The following RIC1 variants were observed in gnomAD, a reference collection of about 807,000 sequenced individuals.
RIC1 encodes RIC1 partner of RAB6A GEF complex, also known as guanine nucleotide exchange factor subunit RIC1.
In RIC1, 88 loss-of-function variants were observed where a neutral mutation model predicts 169.0. The ratio of observed to expected loss-of-function variants is 0.52; its 90% CI spans 0.44 to 0.62. The LOEUF (loss-of-function observed/expected upper bound fraction) is 0.62, where lower values mean the gene tolerates loss of function less well. Among genes scored for constraint, RIC1 ranks in the 20% least tolerant of loss-of-function variants. RIC1 has a pLI of 0.00. For missense variants in RIC1, 1,877 were observed against 1,725.5 expected (o/e 1.09, Z -1.56); for synonymous variants, 790 against 601.5 (o/e 1.31, Z -4.59).
chr9:5,669,266 C>CT (rs1240708596), intron 2 of RIC1, among the ~76,000 whole-genome samples: 3 of 152,142 alleles, frequency 2.0e-5, no homozygotes, highest in Admixed American at 2.0e-4. Context: ...AATTTGTAGT[C>CT]TTTTATCCCT....
chr9:5,668,188 A>C (rs1819892035), intron 2 of RIC1, among the ~76,000 whole-genome samples: 1 of 152,144 alleles, frequency 6.6e-6, no homozygotes, highest in South Asian at 2.1e-4. Flanking sequence ...GAACACCGTG[A>C]GGGTACCACC....
At chr9:5,755,074 G>A in intron 15 of RIC1, 144 bp downstream of exon 15, 1 of 463,246 alleles carries the variant, frequency 2.2e-6, no homozygotes, top group Non-Finnish European at 3.6e-6. Context: ...TTAGGTAGTG[G>A]GATTTTCTTT....
chr9:5,658,727 A>C (rs1819259056), intron 2 of RIC1, among the ~76,000 whole-genome samples: 1 of 152,106 alleles, frequency 6.6e-6, no homozygotes, highest in African/African-American at 2.4e-5. Flanking sequence ...TGGTTAGTGT[A>C]AGTTTTTTCA....
rs769781651 is a variant in RIC1 at position 5,754,822 on chromosome 9, A to G, written c.1603-19A>G. 2 of 1,497,476 alleles carry G rather than the reference A, an allele frequency of 1.3e-6. No individual in the cohort carries two copies. The highest frequency in any genetic ancestry group is 1.8e-6 in the Non-Finnish European group (2 of 1,103,016). The allele number at this position is 1,497,476 out of a possible 1,614,324, so 92.8% of individuals were successfully genotyped here. A position where few individuals can be genotyped will look rare whatever the true frequency, so the allele number is the denominator to read the frequency against. ...TCTGGTAGCATAAGGTAAATTTTTT[A>G]AAAAATTTTTATTTTAAGGAGCAAA... On this transcript the variant is annotated intron_variant, in intron 14 of 25. Transcript: ENST00000414202.
At chr9:5,702,266 C>T (rs927058498) in intron 3 of RIC1, among the ~76,000 whole-genome samples, 4 of 152,160 alleles carry the variant, frequency 2.6e-5, no homozygotes, top group African/African-American at 7.2e-5. Context: ...AGCATCTGAG[C>T]TGAGTCATGA....
In RIC1 at chr9:5,753,195, T is replaced by C. The variant is rs762440695; in HGVS notation, c.1453-5T>C. On this transcript the variant is annotated splice_region_variant and splice_polypyrimidine_tract_variant and intron_variant, in intron 12 of 25. Coordinates refer to ENST00000414202, the MANE Select transcript of RIC1 (RefSeq NM_020829.4). The stretch of plus-strand genomic sequence containing the variant: ...TTTACCAATCTGATGTGTTATTTTC[T>C]ATAGATTTCCAGCACCTATCTAGAG... 1.2e-6 allele frequency: 2 copies of C among 1,610,892 alleles called. No individual in the cohort carries two copies. The highest frequency in any genetic ancestry group is 1.7e-6 in the Non-Finnish European group (2 of 1,177,068).
chr9:5,645,298 G>A (rs1576985), intron 1 of RIC1, among the ~76,000 whole-genome samples: 4 of 151,894 alleles, frequency 2.6e-5, no homozygotes, highest in Non-Finnish European at 2.9e-5. Context: ...GCTATCCTCC[G>A]AAAGTGTTGG....
At chr9:5,674,757 T>C (rs1044957576) in intron 2 of RIC1, among the ~76,000 whole-genome samples, 1 of 152,118 alleles carries the variant, frequency 6.6e-6, no homozygotes, top group Non-Finnish European at 1.5e-5. Flanking sequence ...CCTCCTTCTC[T>C]CCCCTCCAGC....
chr9:5,716,746 A>C (rs1287672335), intron 4 of RIC1, among the ~76,000 whole-genome samples: 2 of 152,254 alleles, frequency 1.3e-5, no homozygotes, highest in Admixed American at 1.3e-4. Context: ...GAGGGGAGTC[A>C]GTTGTAGCAA....
chr9:5,715,110 G>A (rs182976029), intron 4 of RIC1, among the ~76,000 whole-genome samples: 1 of 152,292 alleles, frequency 6.6e-6, no homozygotes, highest in East Asian at 1.9e-4. Flanking sequence ...AATGTAATCA[G>A]TGTTACAGAA....
In RIC1 at chr9:5,752,514, C is replaced by T. The variant is rs936574971; in HGVS notation, c.1453-686C>T. Among the ~76,000 whole-genome samples the T allele has an allele frequency of 1.1e-4, 16 of 151,120 alleles. 1 individual carries two copies. Among genetic ancestry groups the T allele is most frequent in the African/African-American group, 3.6e-4 (15 of 41,140 alleles). On this transcript the variant is annotated intron_variant, in intron 12 of 25. Coordinates refer to ENST00000414202, the MANE Select transcript of RIC1 (RefSeq NM_020829.4). ...GGAGTGCAGTGGCGCGATCCTGGCT[C>T]ACTGCAACCTCTGCCTCCCGGGTTC...
At chr9:5,720,383 G>A in intron 5 of RIC1, 59 bp downstream of exon 5, 2 of 1,508,988 alleles carry the variant, frequency 1.3e-6, no homozygotes, top group South Asian at 2.4e-5. Context: ...GTCTAGTTAG[G>A]TATCTTCTAT....
At position 5,765,758 on chromosome 9, in the gene RIC1, C is replaced by T. The variant is rs753368466; in HGVS notation, c.3097C>T (p.Gln1033Ter). The change falls in exon 21 of 26, where the codon CAG (glutamine) becomes TAG (stop). Residue 1033 changes from glutamine to a stop codon, truncating the protein, a stop_gained. Transcript: ENST00000414202. LOFTEE classifies it high-confidence loss of function. The part of the protein sequence containing the change: ...ENVPASKFSL[Q>*]KTLSMPSGPS... ...TGTTCCTGCCAGTAAATTCAGTTTA[C>T]AGAAAACACTAAGTATGCCATCTGG... The T allele has an allele frequency of 6.2e-7, 1 of 1,614,116 alleles. No homozygotes were observed.
Position 5,629,344 on chromosome 9 carries a change from T to C in RIC1, c.35T>C (p.Leu12Pro), listed in dbSNP as rs1292743997. 1 of 1,532,814 alleles carries C rather than the reference T, an allele frequency of 6.5e-7. No homozygotes were observed. 95.0% of individuals were successfully genotyped at this position (1,532,814 alleles called of 1,614,324 possible). The change falls in exon 1 of 26, where the codon CTG becomes CCG. Residue 12 changes from leucine (L) to proline (P), a missense_variant. Around this residue, in one of 3 missense-constraint regions of RIC1, gnomAD observed 1,104 missense variants for 992.0 expected, o/e 1.11. Coordinates refer to ENST00000414202, the MANE Select transcript of RIC1 (RefSeq NM_020829.4). ...YFLSGWPKRL[L>P]CPLGSPAEAP... The stretch of plus-strand genomic sequence containing the variant: ...CTGAGCGGCTGGCCCAAGAGGCTGC[T>C]GTGCCCTCTGGGGAGCCCGGCCGAG...
At chr9:5,711,847 C>T (rs10123610) in intron 3 of RIC1, among the ~76,000 whole-genome samples, 49,734 of 151,918 alleles carry the variant, frequency 0.33, 11,824 homozygotes, top group African/African-American at 0.67. Context: ...GTCCTTGCGA[C>T]AGTTTGCTGA....
chr9:5,673,594 A>C (rs1820257196), intron 2 of RIC1, among the ~76,000 whole-genome samples: 1 of 146,712 alleles, frequency 6.8e-6, no homozygotes, highest in Non-Finnish European at 1.5e-5. Flanking sequence ...TGTAGTTGCC[A>C]AAGGTCCATC....
At chr9:5,709,890 C>G (rs1270072145) in intron 3 of RIC1, among the ~76,000 whole-genome samples, 1 of 151,994 alleles carries the variant, frequency 6.6e-6, no homozygotes, top group Non-Finnish European at 1.5e-5. Flanking sequence ...CTTTAAAGTT[C>G]TTGTAATACT....
intron 6 of RIC1, among the ~76,000 whole-genome samples, chr9:5,730,077 A>G (rs1824267855): frequency 6.6e-6 from 1 of 152,208 alleles, no homozygotes; most frequent in Non-Finnish European, 1.5e-5. Flanking sequence ...ATTACTAAAT[A>G]AGGTATAGAT....
chr9:5,663,573 CT>C (rs1819582895), intron 2 of RIC1, among the ~76,000 whole-genome samples: 2 of 151,902 alleles, frequency 1.3e-5, no homozygotes, highest in African/African-American at 4.8e-5. Context: ...ATGTAACGCC[CT>C]TTGCCTTTTT....
Sources: gnomAD v4.1 joint callset for allele counts (sites outside exome capture counted in the v4.1 genomes callset) on GRCh38, gnomAD v4.1.1 for gene constraint, gnomAD v4.1.1 regional missense constraint, MANE v1.5 for transcripts, NCBI Gene and HGNC (gene_info 2026-07-23, HGNC 2026-07-21) for gene names.